The following PDE7B variants were observed in gnomAD, a reference collection of about 807,000 sequenced individuals.
The protein encoded by PDE7B is phosphodiesterase 7B, also known as 3',5'-cyclic-AMP phosphodiesterase 7B.
A neutral mutation model predicts 56.2 loss-of-function variants in PDE7B; 29 were observed. The observed-to-expected ratio is 0.52, with a 90% CI of 0.38 to 0.70. The LOEUF (loss-of-function observed/expected upper bound fraction) is 0.70. Among genes scored for constraint, PDE7B ranks in the 30% least tolerant of loss-of-function variants. The pLI, the probability that PDE7B is intolerant of heterozygous loss-of-function variation, is 0.00. For missense variants in PDE7B, 490 were observed against 565.0 expected (o/e 0.87, Z 1.35); for synonymous variants, 197 against 196.9 (o/e 1.00, Z 0.00).
At chr6:136,149,706 A>C (rs1173506231) in intron 5 of PDE7B, among the ~76,000 whole-genome samples, 1 of 152,186 alleles carries the variant, frequency 6.6e-6, no homozygotes, top group African/African-American at 2.4e-5. Flanking sequence ...GCCTATAAAG[A>C]CCTTCCTTAA....
chr6:135,865,461 A>G (rs868539390), intron 1 of PDE7B, among the ~76,000 whole-genome samples: 3 of 152,264 alleles, frequency 2.0e-5, no homozygotes, highest in South Asian at 4.1e-4. Flanking sequence ...CTTGCCTCTC[A>G]TATCCTTAAA....
chr6:135,887,954 A>G (rs995136711), intron 1 of PDE7B, among the ~76,000 whole-genome samples: 2 of 152,058 alleles, frequency 1.3e-5, no homozygotes, highest in Admixed American at 6.6e-5. Context: ...CTACTCCCCA[A>G]TTCTTTGTTC....
intron 2 of PDE7B, among the ~76,000 whole-genome samples, chr6:136,004,419 G>C (rs532141981): frequency 4.5e-4 from 68 of 152,248 alleles, no homozygotes; most frequent in African/African-American, 1.4e-3. Flanking sequence ...AATTGTCCCT[G>C]TTTGCAGATG....
intron 1 of PDE7B, among the ~76,000 whole-genome samples, chr6:135,907,920 T>G (rs1006007144): frequency 5.9e-5 from 9 of 152,170 alleles, no homozygotes; most frequent in Non-Finnish European, 2.9e-5. Flanking sequence ...TCAAAGGAAA[T>G]AGAAGATGGC....
chr6:135,959,103 A>C (rs1774853092), intron 2 of PDE7B, among the ~76,000 whole-genome samples: 2 of 152,248 alleles, frequency 1.3e-5, no homozygotes, highest in South Asian at 2.1e-4. Flanking sequence ...GCTTTACCTA[A>C]ATTCTGGGAT....
chr6:135,945,940 T>C (rs1774589358), intron 1 of PDE7B, among the ~76,000 whole-genome samples: 1 of 152,064 alleles, frequency 6.6e-6, no homozygotes, highest in South Asian at 2.1e-4. Flanking sequence ...AAGGAAAACA[T>C]TCAGAGAATA....
intron 1 of PDE7B, among the ~76,000 whole-genome samples, chr6:135,881,024 C>T (rs897552468): frequency 6.6e-6 from 1 of 152,176 alleles, no homozygotes; most frequent in Non-Finnish European, 1.5e-5. Context: ...GCACATTTCT[C>T]TCAGTCAGTG....
At chr6:136,132,493 A>G (rs1481729173) in intron 3 of PDE7B, among the ~76,000 whole-genome samples, 1 of 152,192 alleles carries the variant, frequency 6.6e-6, no homozygotes, top group East Asian at 1.9e-4. Context: ...GACTTTGGGT[A>G]AATTATTAAA....
rs267600826 is a variant in PDE7B, at chr6:136,187,100, C to T, written c.1110C>T (p.Ile370=). The part of the protein sequence containing the change: ...SPLCNQQKDS[I]PSIQIGFMSY... ...TTTGTAATCAACAGAAAGATTCCAT[C>T]CCTAGTATACAAATTGGTGAGTTGA... The change falls in exon 12 of 13, where the codon ATC becomes ATT. Residue 370 remains isoleucine (I), a synonymous_variant. Transcript: ENST00000308191. 1.9e-6 allele frequency: 3 copies of T among 1,554,026 alleles called. No homozygotes were observed. Among genetic ancestry groups the T allele is most frequent in the African/African-American group, 2.7e-5 (2 of 73,686 alleles).
intron 2 of PDE7B, among the ~76,000 whole-genome samples, chr6:135,990,099 T>C (rs954382727): frequency 1.4e-5 from 1 of 73,606 alleles, no homozygotes; most frequent in Non-Finnish European, 3.8e-5. Context: ...GGTTTTTTTG[T>C]TTTTTTTTTT....
chr6:135,906,398 C>A (rs1189327158), intron 1 of PDE7B, among the ~76,000 whole-genome samples: 1 of 152,148 alleles, frequency 6.6e-6, no homozygotes, highest in Non-Finnish European at 1.5e-5. Flanking sequence ...TGCAAGCTCT[C>A]CCTTTGTCCT....
chr6:135,969,556 A>G (rs1775056662), intron 2 of PDE7B, among the ~76,000 whole-genome samples: 2 of 152,128 alleles, frequency 1.3e-5, no homozygotes, highest in Non-Finnish European at 2.9e-5. Context: ...TGCTGGGAGA[A>G]CTGGCTAGCC....
chr6:136,143,098 CT>C (rs1377283627), intron 3 of PDE7B, among the ~76,000 whole-genome samples: 4 of 152,040 alleles, frequency 2.6e-5, no homozygotes, highest in Non-Finnish European at 5.9e-5. Flanking sequence ...CTGGTTGTTC[CT>C]TTCCATGTTT....
chr6:136,158,129 C>G (rs915019573), intron 8 of PDE7B, among the ~76,000 whole-genome samples: 3 of 152,140 alleles, frequency 2.0e-5, no homozygotes, highest in African/African-American at 7.2e-5. Flanking sequence ...CCATTAACGA[C>G]ACATGGTATT....
intron 1 of PDE7B, among the ~76,000 whole-genome samples, chr6:135,896,526 G>A (rs1350037828): frequency 1.3e-5 from 2 of 152,060 alleles, no homozygotes; most frequent in African/African-American, 2.4e-5. Flanking sequence ...CATTTATTGG[G>A]TAGCCACTGT....
rs567129205 is a variant in PDE7B, at chr6:135,867,594, G to A, written c.21+15575G>A. ...CCTCTCCTTCCTCCCACCCTCTACC[G>A]TCCAGTAGGCCCCAGTGTGCACTGT... is the stretch of plus-strand genomic sequence containing the variant. On this transcript the variant is annotated intron_variant, in intron 1 of 12. Transcript: ENST00000308191. Among the ~76,000 whole-genome samples, 124 of 152,060 alleles carry A rather than the reference G, an allele frequency of 8.2e-4. 1 individual carries two copies. The South Asian group carries it at 0.011, about 13-fold the overall frequency.
intron 1 of PDE7B, among the ~76,000 whole-genome samples, chr6:135,894,271 T>C (rs2128190525): frequency 6.6e-6 from 1 of 152,288 alleles, no homozygotes; most frequent in Middle Eastern, 3.4e-3. Flanking sequence ...CATAGCATTT[T>C]ATATTATTTT....
intron 6 of PDE7B, 54 bp from the exon 7 acceptor site, chr6:136,154,021 G>T (rs1311177976): frequency 8.5e-7 from 1 of 1,182,734 alleles, no homozygotes; most frequent in East Asian, 2.4e-5. Flanking sequence ...GTCTAAGCTA[G>T]TATACCACTC....
intron 1 of PDE7B, among the ~76,000 whole-genome samples, chr6:135,906,829 T>TTTTTTTTTTTTTTTTTTTTTTTTG (rs1562434158): frequency 2.8e-5 from 4 of 142,602 alleles, no homozygotes; most frequent in African/African-American, 1.1e-4. Context: ...TTTTTTTTTT[T>TTTTTTTTTTTTTTTTTTTTTTTTG]TTTTTTTAAT....
Sources: allele counts gnomAD v4.1 joint callset (sites outside exome capture counted in the v4.1 genomes callset), GRCh38; gene constraint gnomAD v4.1.1; transcripts MANE v1.5; gene names NCBI Gene and HGNC (gene_info 2026-07-23, HGNC 2026-07-21).